BCL11A: variants seen among roughly 807,000 people sequenced by gnomAD.
The protein encoded by BCL11A is BCL11 transcription factor A, also known as B cell CLL/lymphoma 11A.
Under a neutral mutation model 55.9 loss-of-function variants are expected in BCL11A, and 2 were observed. The ratio of observed to expected loss-of-function variants is 0.04; its 90% CI spans 0.01 to 0.11. The LOEUF (loss-of-function observed/expected upper bound fraction) is 0.11, where lower values mean the gene tolerates loss of function less well. BCL11A is among the 10% of genes least tolerant of loss of function. BCL11A has a pLI of 1.00. For synonymous variants in BCL11A, 465 were observed against 473.4 expected (o/e 0.98, Z 0.23); for missense variants, 817 against 1,137.1 (o/e 0.72, Z 4.05).
Position 60,461,887 on chromosome 2 carries a change from A to G in BCL11A, c.1025T>C (p.Leu342Ser), listed in dbSNP as rs754880975. ...GCTACCTGGCTGGAATGGTTGCAGT[A>G]ACCTTTGCATAGGGCTGGGCCGGCC... ...SPGRPSPMQR[L>S]LQPFQPGSKP... Residue 342 changes from leucine to serine, a missense_variant, in exon 4 of 4, where the codon TTA becomes TCA. Transcript: ENST00000642384. The G allele has an allele frequency of 4.3e-6, 7 of 1,614,112 alleles. No individual in the cohort carries two copies. Among genetic ancestry groups the G allele is most frequent in the Non-Finnish European group, 5.9e-6 (7 of 1,179,976 alleles).
chr2:60,543,944 T>C (rs938984136), intron 2 of BCL11A: 1 of 152,202 alleles, frequency 6.6e-6, no homozygotes, highest in Non-Finnish European at 1.5e-5. Context: ...AAAAAAATAA[T>C]AACAGAACCT....
chr2:60,479,732 C>A (rs553074032), intron 2 of BCL11A, among the ~76,000 whole-genome samples: 1 of 152,316 alleles, frequency 6.6e-6, no homozygotes, highest in South Asian at 2.1e-4. Context: ...TAATTCAAGG[C>A]AAAGAGTCAA....
intron 2 of BCL11A, among the ~76,000 whole-genome samples, chr2:60,500,846 C>T (rs976415915): frequency 1.1e-4 from 16 of 152,188 alleles, no homozygotes; most frequent in African/African-American, 3.9e-4. Context: ...GCTCTTTAAC[C>T]TCTCCAAGCC....
Position 60,553,304 on chromosome 2 carries a change from C to T in BCL11A, c.-34G>A. The T allele has an allele frequency of 2.6e-6, 4 of 1,537,254 alleles. No homozygotes were observed. The highest frequency in any genetic ancestry group is 3.5e-6 in the Non-Finnish European group (4 of 1,150,420). On this transcript the variant is annotated 5_prime_UTR_variant, in exon 1 of 4. Coordinates refer to ENST00000642384, the MANE Select transcript of BCL11A (RefSeq NM_022893.4). Reference sequence around the variant, plus strand: ...GCGGGGCGGGCGGCGGCGGCGGCGGCGGCGGCGGCGGGCGGACGACGGCTC... The same window carrying T: ...GCGGGGCGGGCGGCGGCGGCGGCGGTGGCGGCGGCGGGCGGACGACGGCTC...
rs1039395925 is a variant in BCL11A, at chr2:60,546,472, A to G, written c.56-172T>C. ...CAAAAAGTACAAGGATGTGAAGGTTATCAACCAGAGAGCAAATTTGTCAAT... is the reference window on the plus strand; with the variant it reads ...CAAAAAGTACAAGGATGTGAAGGTTGTCAACCAGAGAGCAAATTTGTCAAT... On this transcript the variant is annotated intron_variant, in intron 1 of 3. Transcript: ENST00000642384. This position sits in a 1 kb window ranked among gnomAD's most constrained non-coding sequence, Gnocchi z 4.1. 4 of 633,204 alleles carry G rather than the reference A, an allele frequency of 6.3e-6. No individual in the cohort carries two copies. Among genetic ancestry groups the G allele is most frequent in the Non-Finnish European group, 1.1e-5 (4 of 370,548 alleles). 39.2% of individuals were successfully genotyped at this position (633,204 alleles called of 1,614,324 possible). A position where few individuals can be genotyped will look rare whatever the true frequency, so the allele number is the denominator to read the frequency against.
intron 2 of BCL11A, chr2:60,535,443 A>C (rs1024791901): frequency 2.0e-5 from 3 of 152,196 alleles, no homozygotes; most frequent in Non-Finnish European, 4.4e-5. Context: ...CTATCTCTAA[A>C]CATGGTAATT....
At chr2:60,509,093 G>T (rs760294371) in intron 2 of BCL11A, among the ~76,000 whole-genome samples, 66 of 152,166 alleles carry the variant, frequency 4.3e-4, no homozygotes, top group Admixed American at 8.5e-4. Flanking sequence ...ATCAGACTCC[G>T]AAATCACAGG....
At chr2:60,467,954 C>CGGTGG (rs1676932131) in intron 3 of BCL11A, among the ~76,000 whole-genome samples, 3 of 7,910 alleles carry the variant, frequency 3.8e-4, no homozygotes, top group African/African-American at 4.8e-4. Flanking sequence ...GGTGATGGTA[C>CGGTGG]TGGTGGTGAT....
intron 2 of BCL11A, chr2:60,536,175 G>A (rs1205182560): frequency 6.6e-6 from 1 of 152,118 alleles, no homozygotes; most frequent in Admixed American, 6.5e-5. Context: ...TCTGCTGTGG[G>A]GATTTCATTT....
At chr2:60,497,673 C>A (rs1413845639) in intron 2 of BCL11A, among the ~76,000 whole-genome samples, 3 of 152,074 alleles carry the variant, frequency 2.0e-5, no homozygotes, top group Non-Finnish European at 2.9e-5. Flanking sequence ...TTGCACCTTC[C>A]AGAGCAATTT....
Position 60,459,803 on chromosome 2 carries a change from T to C in BCL11A, c.*601A>G. Reference sequence around the variant, plus strand: ...AACCCTTTAGAGACAGACATTTAGCTCATAGAGATTTTTTTTCAGTGCTAT... The same window carrying C: ...AACCCTTTAGAGACAGACATTTAGCCCATAGAGATTTTTTTTCAGTGCTAT... On this transcript the variant is annotated 3_prime_UTR_variant, in exon 4 of 4. Coordinates refer to ENST00000642384, the MANE Select transcript of BCL11A (RefSeq NM_022893.4). 3 of 1,043,480 alleles carry C rather than the reference T, an allele frequency of 2.9e-6. No individual in the cohort carries two copies. Among genetic ancestry groups the C allele is most frequent in the Non-Finnish European group, 3.5e-6 (3 of 865,390 alleles). The allele number at this position is 1,043,480 out of a possible 1,614,324, so 64.6% of individuals were successfully genotyped here.
chr2:60,543,045 A>C (rs1300590187), intron 2 of BCL11A: 1 of 151,758 alleles, frequency 6.6e-6, no homozygotes, highest in Non-Finnish European at 1.5e-5. Flanking sequence ...AAAAAAAAAA[A>C]AAAAAAAACT....
chr2:60,549,115 C>T lies in BCL11A; in HGVS notation c.56-2815G>A, dbSNP rs138560403. Among the ~76,000 whole-genome samples, 316 of 152,230 alleles carry T rather than the reference C, an allele frequency of 2.1e-3. 1 individual carries two copies. The highest frequency in any genetic ancestry group is 7.2e-3 in the African/African-American group (298 of 41,524). On this transcript the variant is annotated intron_variant, in intron 1 of 3. Coordinates refer to ENST00000642384, the MANE Select transcript of BCL11A (RefSeq NM_022893.4). ...GTGGGCAAATAATCATAATAATTAGCCGCGAATTCTCTCTACGAGGGGAGG... is the reference window on the plus strand; with the variant it reads ...GTGGGCAAATAATCATAATAATTAGTCGCGAATTCTCTCTACGAGGGGAGG...
chr2:60,524,217 T>C (rs568804555), intron 2 of BCL11A, among the ~76,000 whole-genome samples: 1 of 152,278 alleles, frequency 6.6e-6, no homozygotes, highest in East Asian at 1.9e-4. Flanking sequence ...GCATTAACAA[T>C]ACAACGGCTG....
chr2:60,490,498 T>TC (rs1378034160), intron 2 of BCL11A, among the ~76,000 whole-genome samples: 1 of 152,224 alleles, frequency 6.6e-6, no homozygotes, highest in African/African-American at 2.4e-5. Flanking sequence ...CTTTTCTTCT[T>TC]CTTCTCTTAC....
chr2:60,475,616 A>G (rs1296217565), intron 2 of BCL11A, among the ~76,000 whole-genome samples: 1 of 152,106 alleles, frequency 6.6e-6, no homozygotes, highest in Admixed American at 6.5e-5. Context: ...CATCAACTTG[A>G]CCATCCCTCC....
chr2:60,463,561 G>A (rs1676439682), intron 3 of BCL11A, among the ~76,000 whole-genome samples: 1 of 152,184 alleles, frequency 6.6e-6, no homozygotes, highest in African/African-American at 2.4e-5. Flanking sequence ...TATTTCCCTT[G>A]CTGAAAAGAA....
intron 1 of BCL11A, among the ~76,000 whole-genome samples, chr2:60,552,458 G>C (rs1206785856): frequency 6.6e-6 from 1 of 151,972 alleles, no homozygotes; most frequent in African/African-American, 2.4e-5. Flanking sequence ...GAGGGCAAGC[G>C]CGAGGAGCCG....
Position 60,458,193 on chromosome 2 carries a change from T to C in BCL11A, c.*2211A>G. ...AAATACAGAAAAAAGACCATAAATG[T>C]ATTTTAGCATAGGAATCAACATGAG... On this transcript the variant is annotated 3_prime_UTR_variant, in exon 4 of 4. Coordinates refer to ENST00000642384, the MANE Select transcript of BCL11A (RefSeq NM_022893.4). The C allele has an allele frequency of 2.9e-6, 3 of 1,024,770 alleles. No homozygotes were observed. Among genetic ancestry groups the C allele is most frequent in the Non-Finnish European group, 3.5e-6 (3 of 852,688 alleles). 63.5% of individuals were successfully genotyped at this position (1,024,770 alleles called of 1,614,324 possible). A position where few individuals can be genotyped will look rare whatever the true frequency, so the allele number is the denominator to read the frequency against.
Sources: gnomAD v4.1 joint callset for allele counts (sites outside exome capture counted in the v4.1 genomes callset) on GRCh38, gnomAD v4.1.1 for gene constraint, Gnocchi (gnomAD v3.1) non-coding constraint, MANE v1.5 for transcripts, NCBI Gene and HGNC (gene_info 2026-07-23, HGNC 2026-07-21) for gene names.